TMEM132B: variants seen among roughly 807,000 people sequenced by gnomAD.
The protein encoded by TMEM132B is transmembrane protein 132B.
TMEM132B carries 18 observed loss-of-function variants against 90.8 expected under a neutral mutation model. The observed-to-expected ratio is 0.20, with a 90% CI of 0.14 to 0.29. The LOEUF is 0.29. Ranked by LOEUF, TMEM132B falls within the 10% of genes least tolerant of loss-of-function variation. The pLI is 1.00. For missense variants in TMEM132B, 1,096 were observed against 1,326.8 expected (o/e 0.83, Z 2.70); for synonymous variants, 504 against 523.3 (o/e 0.96, Z 0.50).
At chr12:125,525,446 T>C (rs1418485127) in intron 4 of TMEM132B, among the ~76,000 whole-genome samples, 2 of 152,214 alleles carry the variant, frequency 1.3e-5, no homozygotes, top group Admixed American at 6.5e-5. Context: ...CCCCTGTGCC[T>C]GTCCCTTCCG....
intron 3 of TMEM132B, among the ~76,000 whole-genome samples, chr12:125,432,511 G>GTATA (rs746916124): frequency 0.11 from 1,974 of 18,536 alleles, 658 homozygotes; most frequent in East Asian, 0.31. Flanking sequence ...ATGTGTGTGT[G>GTATA]TATATATATA....
chr12:125,586,507 G>A (rs1030640325), intron 5 of TMEM132B: 10 of 152,170 alleles, frequency 6.6e-5, no homozygotes, highest in African/African-American at 2.4e-4. Flanking sequence ...GTCCAAAAAC[G>A]TTAAATGAAA....
intron 4 of TMEM132B, among the ~76,000 whole-genome samples, chr12:125,557,033 T>G (rs868348350): frequency 1.3e-5 from 2 of 152,314 alleles, no homozygotes; most frequent in African/African-American, 4.8e-5. Context: ...AATATTTGAC[T>G]TACGTGCCTT....
chr12:125,620,622 G>T (rs1886093829), intron 5 of TMEM132B, among the ~76,000 whole-genome samples: 1 of 152,178 alleles, frequency 6.6e-6, no homozygotes, highest in Admixed American at 6.5e-5. Context: ...TGCTAATAAA[G>T]ACACACCTGA....
chr12:125,519,301 C>T, intron 3 of TMEM132B, 138 bp from the exon 4 acceptor site: 1 of 871,642 alleles, frequency 1.1e-6, no homozygotes, highest in Admixed American at 2.9e-5. Context: ...TAGGCTCCGA[C>T]AACACTGCCG....
chr12:125,549,805 A>G (rs1185309314), intron 4 of TMEM132B, among the ~76,000 whole-genome samples: 1 of 152,194 alleles, frequency 6.6e-6, no homozygotes, highest in Non-Finnish European at 1.5e-5. Context: ...ACAGATTTTG[A>G]ACACCCAGTA....
chr12:125,471,524 C>G (rs573561547), intron 3 of TMEM132B, among the ~76,000 whole-genome samples: 1 of 152,282 alleles, frequency 6.6e-6, no homozygotes, highest in South Asian at 2.1e-4. Flanking sequence ...TTTTCAGCTC[C>G]CACTGTAGTG....
intron 3 of TMEM132B, among the ~76,000 whole-genome samples, chr12:125,427,711 C>T (rs1049210814): frequency 4.6e-5 from 7 of 152,280 alleles, no homozygotes; most frequent in African/African-American, 1.7e-4. Flanking sequence ...ACTGTAGGTC[C>T]TTTGTGAAAT....
At chr12:125,542,025 C>CA (rs71306285) in intron 4 of TMEM132B, among the ~76,000 whole-genome samples, 8,255 of 23,224 alleles carry the variant, frequency 0.36, 1,716 homozygotes, top group East Asian at 0.69. Flanking sequence ...ACCCCCGTCT[C>CA]AAAAAAAAAA....
Position 125,408,116 on chromosome 12 carries a change from A to G in TMEM132B, c.960-7415A>G, listed in dbSNP as rs970079743. 6.6e-6 allele frequency among the ~76,000 whole-genome samples: 1 copy of G among 152,100 alleles called. No homozygotes were observed. Among genetic ancestry groups the G allele is most frequent in the African/African-American group, 2.4e-5 (1 of 41,414 alleles). On this transcript the variant is annotated intron_variant, in intron 2 of 8. Transcript: ENST00000682704. The surrounding 1 kb of genome is among the most constrained non-coding windows in gnomAD (Gnocchi z 5.9). Reference sequence around the variant, plus strand: ...CCTGCTTCTGACTTTCCACGAACGGAATTGCACAGTGCGCGCTTTTGGTAC... The same window carrying G: ...CCTGCTTCTGACTTTCCACGAACGGGATTGCACAGTGCGCGCTTTTGGTAC...
chr12:125,649,599 A>T (rs1886855338), intron 6 of TMEM132B, among the ~76,000 whole-genome samples: 1 of 152,152 alleles, frequency 6.6e-6, no homozygotes, highest in African/African-American at 2.4e-5. Context: ...TGCGTGGGCG[A>T]TGGATGTCCG....
chr12:125,613,549 A>G (rs1428755041), intron 5 of TMEM132B, among the ~76,000 whole-genome samples: 1 of 151,824 alleles, frequency 6.6e-6, no homozygotes, highest in African/African-American at 2.4e-5. Context: ...AATTTCTTTA[A>G]TGATATCTTC....
chr12:125,589,633 A>G (rs554455819), intron 5 of TMEM132B, among the ~76,000 whole-genome samples: 18 of 152,270 alleles, frequency 1.2e-4, no homozygotes, highest in Non-Finnish European at 2.4e-4. Context: ...ACTTACAGCC[A>G]TATCAGAAGA....
intron 4 of TMEM132B, among the ~76,000 whole-genome samples, chr12:125,569,015 A>T (rs1488630725): frequency 1.3e-5 from 2 of 152,202 alleles, no homozygotes; most frequent in Non-Finnish European, 2.9e-5. Context: ...GTCCCAGCTC[A>T]GCAGCTAACT....
At chr12:125,287,124 ATC>A (rs1279414071) in intron 1 of TMEM132B, among the ~76,000 whole-genome samples, 2 of 142,332 alleles carry the variant, frequency 1.4e-5, no homozygotes. Context: ...CTCCCTCTCC[ATC>A]TCTCTCTGTC....
chr12:125,527,837 G>A (rs1291548823), intron 4 of TMEM132B, among the ~76,000 whole-genome samples: 1 of 152,178 alleles, frequency 6.6e-6, no homozygotes, highest in African/African-American at 2.4e-5. Flanking sequence ...CATTTACTTA[G>A]CATCACTATG....
intron 5 of TMEM132B, among the ~76,000 whole-genome samples, chr12:125,620,694 G>T (rs147968100): frequency 6.6e-6 from 1 of 152,222 alleles, no homozygotes; most frequent in Non-Finnish European, 1.5e-5. Context: ...GCCTGGGAAG[G>T]CCTCAGGAAA....
intron 5 of TMEM132B, among the ~76,000 whole-genome samples, chr12:125,616,713 G>A (rs1409564102): frequency 6.6e-6 from 1 of 152,138 alleles, no homozygotes; most frequent in Non-Finnish European, 1.5e-5. Context: ...TTTCTGTTAT[G>A]AACTTAATTT....
chr12:125,401,310 T>C (rs1040231256), intron 2 of TMEM132B, among the ~76,000 whole-genome samples: 1 of 152,132 alleles, frequency 6.6e-6, no homozygotes, highest in Non-Finnish European at 1.5e-5. Context: ...GAATCTTTGC[T>C]CTCCTTGGGC....
Sources: gnomAD v4.1 joint callset for allele counts (sites outside exome capture counted in the v4.1 genomes callset) on GRCh38, gnomAD v4.1.1 for gene constraint, Gnocchi (gnomAD v3.1) non-coding constraint, MANE v1.5 for transcripts, NCBI Gene and HGNC (gene_info 2026-07-23, HGNC 2026-07-21) for gene names.